Variants in MED26 observed in about 807,000 individuals in gnomAD.
MED26 encodes the protein mediator complex subunit 26, also known as mediator of RNA polymerase II transcription subunit 26.
In MED26, 7 loss-of-function variants were observed where a neutral mutation model predicts 43.7. The observed-to-expected ratio is 0.16, with a 90% CI of 0.09 to 0.30. MED26 has a LOEUF of 0.30. Among genes scored for constraint, MED26 ranks in the 10% least tolerant of loss-of-function variants. MED26 has a pLI of 1.00. For missense variants in MED26, 784 were observed against 840.6 expected, an observed-to-expected ratio of 0.93 and a Z score of 0.83; for synonymous variants, 375 against 371.1, an observed-to-expected ratio of 1.01 and a Z score of -0.12.
intron 1 of MED26, among the ~76,000 whole-genome samples, chr19:16,616,503 G>A (rs2086226791): frequency 6.6e-6 from 1 of 152,194 alleles, no homozygotes; most frequent in South Asian, 2.1e-4. Context: ...TGCTGCACTA[G>A]ACCCCCTGGA....
At chr19:16,607,368 T>C (rs1387541424) in intron 1 of MED26, among the ~76,000 whole-genome samples, 1 of 147,900 alleles carries the variant, frequency 6.8e-6, no homozygotes, top group Non-Finnish European at 1.5e-5. Flanking sequence ...CTATCTCCTT[T>C]TGTGGGGAAA....
At position 16,616,907 on chromosome 19, in the gene MED26, G is replaced by A. The variant is rs1456735450; in HGVS notation, c.72+10965C>T. 2.0e-5 allele frequency among the ~76,000 whole-genome samples: 3 copies of A among 152,160 alleles called. No homozygotes were observed. The East Asian group carries it at 5.8e-4, about 29-fold the overall frequency. ...CTTGTCATTCATTCCAAGTGCCCAT[G>A]GTGAGCACAGAGAACAGCGCCCTAA... On this transcript the variant is annotated intron_variant, in intron 1 of 2. Transcript: ENST00000263390.
intron 1 of MED26, chr19:16,610,619 G>C (rs1051575278): frequency 6.6e-6 from 1 of 152,082 alleles, no homozygotes; most frequent in Non-Finnish European, 1.5e-5. Flanking sequence ...TCAAACTCCC[G>C]AACTCAGGTG....
At chr19:16,597,313 C>G (rs997291105) in intron 1 of MED26, 1 of 397,996 alleles carries the variant, frequency 2.5e-6, no homozygotes, top group Admixed American at 4.4e-5. Flanking sequence ...AGTGCAGGAC[C>G]CATTCAGGGC....
At chr19:16,584,750 G>A (rs2122390971) in intron 1 of MED26, among the ~76,000 whole-genome samples, 1 of 152,336 alleles carries the variant, frequency 6.6e-6, no homozygotes, top group African/African-American at 2.4e-5. Context: ...GGGGATGGGT[G>A]AAACAAAGTC....
intron 1 of MED26, chr19:16,611,523 T>A (rs1439584192): frequency 6.6e-6 from 1 of 152,164 alleles, no homozygotes; most frequent in Non-Finnish European, 1.5e-5. Flanking sequence ...AGCCTACTTT[T>A]ATTTTCATTT....
rs1326984923 is a variant in MED26, at chr19:16,576,203, G to A, written c.1627C>T (p.Leu543=). Residue 543 remains leucine (L), a synonymous_variant, in exon 3 of 3, where the codon CTG becomes TTG. Transcript: ENST00000263390. The surrounding 1 kb of genome is among the most constrained non-coding windows in gnomAD (Gnocchi z 6.8). Reference sequence around the variant, plus strand: ...TCGTCCTGTGTGACCTCCCGGGTCAGACCAGGGAGGTCCGTGGGCGGGCTT... The same window carrying A: ...TCGTCCTGTGTGACCTCCCGGGTCAAACCAGGGAGGTCCGTGGGCGGGCTT... ...PQSPPTDLPG[L]TREVTQDDLD... is the part of the protein sequence containing the mutation. 3 of 1,612,450 alleles carry A rather than the reference G, an allele frequency of 1.9e-6. No homozygotes were observed. Among genetic ancestry groups the A allele is most frequent in the Non-Finnish European group, 2.5e-6 (3 of 1,180,024 alleles).
chr19:16,576,307 T>G lies in MED26; in HGVS notation c.1523A>C (p.His508Pro). 1 of 1,613,082 alleles carries G rather than the reference T, an allele frequency of 6.2e-7. No homozygotes were observed. Among genetic ancestry groups the G allele is most frequent in the Non-Finnish European group, 8.5e-7 (1 of 1,180,018 alleles). The change falls in exon 3 of 3, where the codon CAC (histidine) becomes CCC (proline). Residue 508 changes from histidine (H) to proline (P), a missense_variant. By Grantham distance (77) the His-to-Pro change is moderately conservative. Coordinates refer to ENST00000263390, the MANE Select transcript of MED26 (RefSeq NM_004831.5). The surrounding 1 kb of genome is among the most constrained non-coding windows in gnomAD (Gnocchi z 6.8). ...CTTCAGGTACTCAGACATGAAGTGG[T>G]GAGCCCCTGGGGTCTGCGCGCCCGA... ...SSSGAQTPGA[H>P]HFMSEYLKQE...
Position 16,601,657 on chromosome 19 carries a change from A to G in MED26, c.73-23248T>C, listed in dbSNP as rs554887972. Among the ~76,000 whole-genome samples, 53 of 152,328 alleles carry G rather than the reference A, an allele frequency of 3.5e-4. 1 individual carries two copies. In the South Asian group the frequency reaches 0.011, roughly 30 times the overall value. On this transcript the variant is annotated intron_variant, in intron 1 of 2. Transcript: ENST00000263390. ...AGGGTGACAGAGGGAGTCTGCGAGG[A>G]CACCTGGAGAGTAAGCAGGAGTCCT...
chr19:16,603,690 C>T lies in MED26; in HGVS notation c.72+24182G>A, dbSNP rs555449621. Among the ~76,000 whole-genome samples the T allele has an allele frequency of 5.9e-5, 9 of 152,286 alleles. No homozygotes were observed. In the South Asian group the frequency reaches 1.9e-3, roughly 32 times the overall value. ...CCAGATGTAAACAGGTACTCTCCCC[C>T]AGGCTCACTCTGGCAGGCCTCTTGG... On this transcript the variant is annotated intron_variant, in intron 1 of 2. Transcript: ENST00000263390.
chr19:16,581,449 C>CTTCA (rs1489328108), intron 1 of MED26, among the ~76,000 whole-genome samples: 1 of 152,232 alleles, frequency 6.6e-6, no homozygotes, highest in African/African-American at 2.4e-5. Context: ...TGCCACATGG[C>CTTCA]TTCACCTCCA....
chr19:16,593,032 A>G (rs1348118384), intron 1 of MED26, among the ~76,000 whole-genome samples: 1 of 152,244 alleles, frequency 6.6e-6, no homozygotes, highest in Admixed American at 6.5e-5. Flanking sequence ...TAGGTGGGCC[A>G]AGCAGGCAAC....
chr19:16,627,759 G>A, intron 1 of MED26, 113 bp downstream of exon 1: 1 of 685,046 alleles, frequency 1.5e-6, no homozygotes, highest in South Asian at 4.5e-5. Flanking sequence ...GGCCCTCGAG[G>A]GGAGGTGGGC....
At position 16,576,899 on chromosome 19, in the gene MED26, G is replaced by C. The variant is rs768279859; in HGVS notation, c.931C>G (p.Gln311Glu). ...SPRPQALDAT[Q>E]VPSPLPLAQP... The stretch of plus-strand genomic sequence containing the variant: ...GCCAGTGGAAGCGGTGACGGCACCT[G>C]TGTGGCATCGAGTGCCTGGGGCCGC... Residue 311 changes from glutamine to glutamate, a missense_variant, in exon 3 of 3, where the codon CAG (glutamine) becomes GAG (glutamate). Physicochemically the swap from Gln to Glu is conservative, Grantham distance 29. Around this residue, in one of 3 missense-constraint regions of MED26, gnomAD observed 719 missense variants for 730.9 expected, o/e 0.98. Coordinates refer to ENST00000263390, the MANE Select transcript of MED26 (RefSeq NM_004831.5). This position sits in a 1 kb window ranked among gnomAD's most constrained non-coding sequence, Gnocchi z 6.8. 1.2e-5 allele frequency: 19 copies of C among 1,604,632 alleles called. No individual in the cohort carries two copies. The highest frequency in any genetic ancestry group is 3.4e-5 in the Admixed American group (2 of 59,506).
chr19:16,577,976 C>T lies in MED26; in HGVS notation c.148-294G>A, dbSNP rs910761547. On this transcript the variant is annotated intron_variant, in intron 2 of 2. Transcript: ENST00000263390. The surrounding 1 kb of genome is among the most constrained non-coding windows in gnomAD (Gnocchi z 8.1). ...CATCAAGGCCACTGTAAGGACACTG[C>T]CAGAGAGGCTTCCTGGGTGAGAGGG... 1 of 473,654 alleles carries T rather than the reference C, an allele frequency of 2.1e-6. No homozygotes were observed. Among genetic ancestry groups the T allele is most frequent in the Middle Eastern group, 5.4e-4 (1 of 1,842 alleles). 29.3% of individuals were successfully genotyped at this position (473,654 alleles called of 1,614,324 possible).
rs2086076312 is a variant in MED26 at position 16,587,399 on chromosome 19, C to CT, written c.73-8991dup. The CT allele has an allele frequency of 6.6e-6, 1 of 152,242 alleles. No individual in the cohort carries two copies. Among genetic ancestry groups the CT allele is most frequent in the South Asian group, 2.1e-4 (1 of 4,840 alleles). 9.4% of individuals were successfully genotyped at this position (152,242 alleles called of 1,614,324 possible). A position where few individuals can be genotyped will look rare whatever the true frequency, so the allele number is the denominator to read the frequency against. On this transcript the variant is annotated intron_variant, in intron 1 of 2. Transcript: ENST00000263390. The surrounding 1 kb of genome is among the most constrained non-coding windows in gnomAD (Gnocchi z 4.9). The stretch of plus-strand genomic sequence containing the variant: ...CGCAGCCCTGAGGGGTGCTGCTGTG[C>CT]TTACCCTCAGGCGGGCCCCACCCTG...
intron 1 of MED26, among the ~76,000 whole-genome samples, chr19:16,584,000 G>A (rs1452002889): frequency 1.3e-5 from 2 of 152,138 alleles, no homozygotes; most frequent in African/African-American, 2.4e-5. Context: ...AGGAACACAC[G>A]CATGGGGGCA....
intron 1 of MED26, among the ~76,000 whole-genome samples, chr19:16,622,045 GCT>G (rs2086254236): frequency 6.6e-6 from 1 of 152,142 alleles, no homozygotes; most frequent in South Asian, 2.1e-4. Flanking sequence ...GTTCCTTCCA[GCT>G]CTGTTCCCCT....
chr19:16,604,226 T>C (rs1338921642), intron 1 of MED26, among the ~76,000 whole-genome samples: 1 of 152,116 alleles, frequency 6.6e-6, no homozygotes, highest in Non-Finnish European at 1.5e-5. Context: ...GATTGCCCTG[T>C]GTGCCAGAAC....
Sources: gnomAD v4.1 joint callset for allele counts (sites outside exome capture counted in the v4.1 genomes callset) on GRCh38, gnomAD v4.1.1 for gene constraint, gnomAD v4.1.1 regional missense constraint, Gnocchi (gnomAD v3.1) non-coding constraint, MANE v1.5 for transcripts, NCBI Gene and HGNC (gene_info 2026-07-23, HGNC 2026-07-21) for gene names.